SIK3: variants seen among roughly 807,000 people sequenced by gnomAD.
SIK3 encodes SIK family kinase 3.
SIK3 carries 28 observed loss-of-function variants against 144.2 expected under a neutral mutation model. The observed-to-expected ratio is 0.19, with a 90% CI of 0.14 to 0.27. The LOEUF is 0.27. Ranked by LOEUF, SIK3 falls within the 10% of genes least tolerant of loss-of-function variation. SIK3 has a pLI of 1.00. For missense variants in SIK3, 1,319 were observed against 1,776.0 expected (o/e 0.74, Z 4.62); for synonymous variants, 686 against 676.3 (o/e 1.01, Z -0.22).
Position 116,975,256 on chromosome 11 carries a change from CGT to C in SIK3, c.274-18194_274-18193del, listed in dbSNP as rs532172489. Among the ~76,000 whole-genome samples the C allele has an allele frequency of 7.1e-4, 107 of 151,720 alleles. 1 individual carries two copies. The highest frequency in any genetic ancestry group is 1.3e-3 in the Non-Finnish European group (88 of 67,992). ...CACCAATTTAAAGTGTAAAATTCAA[CGT>C]GTTTTATAAATTCACAGGATAGTGC... On this transcript the variant is annotated intron_variant, in intron 1 of 24. Transcript: ENST00000445177.
At chr11:117,066,197 T>C (rs1293662825) in intron 1 of SIK3, among the ~76,000 whole-genome samples, 1 of 151,644 alleles carries the variant, frequency 6.6e-6, no homozygotes, top group Non-Finnish European at 1.5e-5. Flanking sequence ...GCCTCCTGAG[T>C]AGCTGGGATT....
At chr11:116,943,235 GA>G (rs1358920084) in intron 3 of SIK3, among the ~76,000 whole-genome samples, 1 of 151,860 alleles carries the variant, frequency 6.6e-6, no homozygotes, top group African/African-American at 2.4e-5. Flanking sequence ...TCAAAGTGAA[GA>G]AAAAAAGGTA....
intron 4 of SIK3, among the ~76,000 whole-genome samples, chr11:116,908,324 T>A (rs1227297884): frequency 6.6e-6 from 1 of 151,792 alleles, no homozygotes; most frequent in African/African-American, 2.4e-5. Flanking sequence ...AAAAACTAAA[T>A]ATAAATTAGC....
chr11:117,039,867 C>T (rs1952666116), intron 1 of SIK3, among the ~76,000 whole-genome samples: 1 of 152,186 alleles, frequency 6.6e-6, no homozygotes, highest in South Asian at 2.1e-4. Flanking sequence ...GAAGCTGAAA[C>T]TCCCATCCAG....
intron 3 of SIK3, among the ~76,000 whole-genome samples, chr11:116,942,960 A>T (rs1948391906): frequency 6.6e-6 from 1 of 152,202 alleles, no homozygotes; most frequent in Non-Finnish European, 1.5e-5. Flanking sequence ...CAGAGAGACT[A>T]TTTAAAGGCT....
At chr11:116,902,374 T>G (rs907534110) in intron 4 of SIK3, among the ~76,000 whole-genome samples, 3 of 152,222 alleles carry the variant, frequency 2.0e-5, no homozygotes, top group African/African-American at 7.2e-5. Flanking sequence ...CTTGTTATTT[T>G]ATCTACCAAA....
chr11:116,985,560 G>T (rs948673646), intron 1 of SIK3, among the ~76,000 whole-genome samples: 1 of 151,984 alleles, frequency 6.6e-6, no homozygotes, highest in Non-Finnish European at 1.5e-5. Flanking sequence ...AATCTGTTTT[G>T]GTCTGCTTTA....
At chr11:117,041,131 A>C (rs761826948) in intron 1 of SIK3, among the ~76,000 whole-genome samples, 60 of 152,284 alleles carry the variant, frequency 3.9e-4, no homozygotes, top group African/African-American at 9.1e-4. Flanking sequence ...AAATGTAAAA[A>C]GAGAGAATTC....
chr11:117,038,358 A>T (rs1472889318), intron 1 of SIK3, among the ~76,000 whole-genome samples: 3 of 136,332 alleles, frequency 2.2e-5, no homozygotes, highest in Non-Finnish European at 4.7e-5. Context: ...GCTACAAGAT[A>T]CTTTTTTTTT....
chr11:116,927,448 A>G (rs1947337357), intron 3 of SIK3, 68 bp from the exon 4 acceptor site: 1 of 1,524,422 alleles, frequency 6.6e-7, no homozygotes, highest in African/African-American at 1.4e-5. Flanking sequence ...GGTAGACTTA[A>G]GGAGGGCTAC....
At chr11:117,009,589 G>A (rs1951177947) in intron 1 of SIK3, among the ~76,000 whole-genome samples, 1 of 151,818 alleles carries the variant, frequency 6.6e-6, no homozygotes, top group Non-Finnish European at 1.5e-5. Context: ...GAGAAACTCT[G>A]ACGCAAAAGT....
At position 116,859,594 on chromosome 11, in the gene SIK3, A is replaced by G; in HGVS notation, c.2436T>C (p.Ser812=). The change falls in exon 20 of 25, where the codon TCT becomes TCC. Residue 812 remains serine (S), a synonymous_variant. Transcript: ENST00000445177. ...AAGGTAAGCCTTGAAACTGGGAAGA[A>G]GATGCAGCCCCTGGAGAGAAAGGAA... The part of the protein sequence containing the change: ...SAMIQPHGAA[S]SSQFQGLPSR... 2 of 1,613,672 alleles carry G rather than the reference A, an allele frequency of 1.2e-6. No individual in the cohort carries two copies. Among genetic ancestry groups the G allele is most frequent in the Non-Finnish European group, 1.7e-6 (2 of 1,179,736 alleles).
chr11:117,077,572 A>T (rs1954605925), intron 1 of SIK3, among the ~76,000 whole-genome samples: 1 of 152,252 alleles, frequency 6.6e-6, no homozygotes, highest in Non-Finnish European at 1.5e-5. Context: ...CAAAGCTCAA[A>T]TACAGACAGG....
chr11:117,035,292 G>C (rs1952445195), intron 1 of SIK3, among the ~76,000 whole-genome samples: 1 of 152,152 alleles, frequency 6.6e-6, no homozygotes, highest in South Asian at 2.1e-4. Context: ...TAATGATGCA[G>C]ATAATATGTT....
At chr11:117,066,323 C>T (rs1291947075) in intron 1 of SIK3, among the ~76,000 whole-genome samples, 1 of 151,998 alleles carries the variant, frequency 6.6e-6, no homozygotes, top group Non-Finnish European at 1.5e-5. Context: ...CCAACTCGGC[C>T]TCCCAAAGTA....
intron 6 of SIK3, among the ~76,000 whole-genome samples, chr11:116,894,298 C>CT (rs1323828174): frequency 1.3e-5 from 2 of 152,180 alleles, no homozygotes; most frequent in African/African-American, 4.8e-5. Context: ...CACCTCATGG[C>CT]TTTAACTATT....
At chr11:117,022,180 T>C (rs972629116) in intron 1 of SIK3, among the ~76,000 whole-genome samples, 2 of 152,046 alleles carry the variant, frequency 1.3e-5, no homozygotes, top group African/African-American at 4.8e-5. Context: ...ATTATACAAG[T>C]AAATGTGTCT....
Position 116,873,495 on chromosome 11 carries a change from C to T in SIK3, c.1723G>A (p.Val575Ile). ...CTGCTACTCACTGGTGTCATGGTGA[C>T]AAGCGGAGAGGGTCCCCGTGGGCGC... is the stretch of plus-strand genomic sequence containing the variant. Reference protein sequence around the residue: ...LKRPRGPSPLVTMTPAVPAVT... With the variant: ...LKRPRGPSPLITMTPAVPAVT... Residue 575 changes from valine to isoleucine, a missense_variant, in exon 13 of 25, where the codon GTC (valine) becomes ATC (isoleucine). Physicochemically the swap from Val to Ile is conservative, Grantham distance 29. Transcript: ENST00000445177. The T allele has an allele frequency of 1.9e-6, 3 of 1,614,172 alleles. No homozygotes were observed. The highest frequency in any genetic ancestry group is 1.7e-6 in the Non-Finnish European group (2 of 1,180,012).
chr11:116,844,657 AAT>A lies in SIK3; in HGVS notation c.*984_*985del, dbSNP rs552161209. The stretch of plus-strand genomic sequence containing the variant: ...ATATTATATTATATATTATATATAT[AAT>A]ATATATATACACATATATTATATTA... On this transcript the variant is annotated 3_prime_UTR_variant, in exon 25 of 25. Transcript: ENST00000445177. 8.0e-3 allele frequency: 833 copies of A among 103,542 alleles called. 8 individuals carry two copies. The highest frequency in any genetic ancestry group is 0.033 in the African/African-American group (727 of 22,004). 6.4% of individuals were successfully genotyped at this position (103,542 alleles called of 1,614,324 possible). A position where few individuals can be genotyped will look rare whatever the true frequency, so the allele number is the denominator to read the frequency against.
Sources: allele counts gnomAD v4.1 joint callset (sites outside exome capture counted in the v4.1 genomes callset), GRCh38; gene constraint gnomAD v4.1.1; transcripts MANE v1.5; gene names NCBI Gene and HGNC (gene_info 2026-07-23, HGNC 2026-07-21).